The following NME7 variants were observed in gnomAD, a reference collection of about 807,000 sequenced individuals.
NME7 encodes nucleoside diphosphate kinase 7.
NME7 carries 41 observed loss-of-function variants against 49.1 expected under a neutral mutation model. The observed-to-expected ratio is 0.83, with a 90% CI of 0.65 to 1.08. The LOEUF (loss-of-function observed/expected upper bound fraction) is 1.08, where lower values mean the gene tolerates loss of function less well. Among genes scored for constraint, NME7 ranks in the 50% least tolerant of loss-of-function variants. NME7 has a pLI of 0.00. For synonymous variants in NME7, 139 were observed against 150.6 expected, an observed-to-expected ratio of 0.92 and a Z score of 0.56; for missense variants, 423 against 463.4, an observed-to-expected ratio of 0.91 and a Z score of 0.80.
intron 7 of NME7, among the ~76,000 whole-genome samples, chr1:169,243,043 G>A (rs960103247): frequency 2.0e-5 from 3 of 151,890 alleles, no homozygotes; most frequent in Non-Finnish European, 2.9e-5. Context: ...CAATAGATAA[G>A]ATTATTCTAA....
In NME7 at chr1:169,261,230, T is replaced by C. The variant is rs138688365; in HGVS notation, c.755-23543A>G. Among the ~76,000 whole-genome samples, 1,169 of 134,528 alleles carry C rather than the reference T, an allele frequency of 8.7e-3. 159 individuals are homozygous for C. Among genetic ancestry groups the C allele is most frequent in the African/African-American group, 0.028 (1,123 of 39,836 alleles). 88.3% of individuals were successfully genotyped at this position (134,528 alleles called of 152,430 possible). A position where few individuals can be genotyped will look rare whatever the true frequency, so the allele number is the denominator to read the frequency against. On this transcript the variant is annotated intron_variant, in intron 7 of 11. Transcript: ENST00000367811. ...TGATATTTATTGTTTGTGGTATTTA[T>C]AGTTCTGAAGTTATTAAAGCTTAAA...
chr1:169,323,048 G>A (rs1278151324), intron 3 of NME7, 69 bp downstream of exon 3: 4 of 1,298,530 alleles, frequency 3.1e-6, no homozygotes, highest in Non-Finnish European at 4.1e-6. Flanking sequence ...CATACTCCCA[G>A]TCTTGATTCA....
chr1:169,320,099 A>G (rs1651797551), intron 3 of NME7, among the ~76,000 whole-genome samples: 1 of 152,154 alleles, frequency 6.6e-6, no homozygotes, highest in African/African-American at 2.4e-5. Flanking sequence ...TGAAAACTTT[A>G]ATTATTTCTG....
At chr1:169,212,892 T>A (rs1660868047) in intron 10 of NME7, among the ~76,000 whole-genome samples, 1 of 152,120 alleles carries the variant, frequency 6.6e-6, no homozygotes, top group Admixed American at 6.5e-5. Context: ...TCCTCCCAAG[T>A]TGCTGGGATT....
intron 10 of NME7, among the ~76,000 whole-genome samples, chr1:169,212,153 C>T (rs1019970122): frequency 1.3e-5 from 2 of 152,012 alleles, no homozygotes; most frequent in Non-Finnish European, 2.9e-5. Flanking sequence ...CAGCCACCTC[C>T]TCTTCAAGAG....
chr1:169,230,442 T>A lies in NME7; in HGVS notation c.990+276A>T, dbSNP rs186712463. Among the ~76,000 whole-genome samples, 659 of 152,246 alleles carry A rather than the reference T, an allele frequency of 4.3e-3. 5 individuals are homozygous for A. Among genetic ancestry groups the A allele is most frequent in the African/African-American group, 0.015 (619 of 41,544 alleles). On this transcript the variant is annotated intron_variant, in intron 10 of 11. Transcript: ENST00000367811. Reference sequence around the variant, plus strand: ...TCTATTATGAAGCTTGCAAAATGTATTTACCTGGACAATTTAGCAAGAAGA... The same window carrying A: ...TCTATTATGAAGCTTGCAAAATGTAATTACCTGGACAATTTAGCAAGAAGA...
Position 169,323,261 on chromosome 1 carries a change from G to A in NME7, c.134C>T (p.Thr45Ile). ...ATCATATTTGGTCCGCTTTAAAAAG[G>A]TGCGATGATTCTTTACATCATGCTA... is the stretch of plus-strand genomic sequence containing the variant. ...VEMHDVKNHR[T>I]FLKRTKYDNL... The change falls in exon 3 of 12, where the codon ACC (threonine) becomes ATC (isoleucine). Residue 45 changes from threonine to isoleucine, a missense_variant. By Grantham distance (89) the Thr-to-Ile change is moderately conservative. Coordinates refer to ENST00000367811, the MANE Select transcript of NME7 (RefSeq NM_013330.5). 3 of 1,599,352 alleles carry A rather than the reference G, an allele frequency of 1.9e-6. No individual in the cohort carries two copies. The South Asian group carries it at 3.4e-5, about 18-fold the overall frequency.
At chr1:169,201,492 G>A (rs1050712901) in intron 10 of NME7, among the ~76,000 whole-genome samples, 4 of 152,046 alleles carry the variant, frequency 2.6e-5, no homozygotes, top group Non-Finnish European at 5.9e-5. Flanking sequence ...TAAAACAGTC[G>A]GGAAGTGATG....
chr1:169,230,844 G>T, intron 9 of NME7, 25 bp from the exon 10 acceptor site: 1 of 1,463,292 alleles, frequency 6.8e-7, no homozygotes, highest in East Asian at 2.4e-5. Context: ...ATAAAAGAAT[G>T]AAAAGAATTT....
rs567213233 is a variant in NME7 at position 169,257,554 on chromosome 1, C to T, written c.755-19867G>A. ...GTCGCTCACGCTGGGAGCTGTAGAC[C>T]GGAGCTGTTCCTATTCGGCCATCTT... On this transcript the variant is annotated intron_variant, in intron 7 of 11. Transcript: ENST00000367811. Among the ~76,000 whole-genome samples, 670 of 134,046 alleles carry T rather than the reference C, an allele frequency of 5.0e-3. 129 individuals carry two copies. The highest frequency in any genetic ancestry group is 0.017 in the Admixed American group (231 of 13,714). 87.9% of individuals were successfully genotyped at this position (134,046 alleles called of 152,430 possible). A position where few individuals can be genotyped will look rare whatever the true frequency, so the allele number is the denominator to read the frequency against.
At chr1:169,214,506 A>C (rs1260321740) in intron 10 of NME7, among the ~76,000 whole-genome samples, 1 of 152,240 alleles carries the variant, frequency 6.6e-6, no homozygotes, top group Admixed American at 6.5e-5. Flanking sequence ...TAAGAACATC[A>C]AACATTTTCT....
chr1:169,348,122 T>A (rs539747339), intron 1 of NME7, among the ~76,000 whole-genome samples: 1 of 152,312 alleles, frequency 6.6e-6, no homozygotes, highest in East Asian at 1.9e-4. Context: ...CTTAAGTGGC[T>A]GTAACCACTA....
At chr1:169,225,768 A>G (rs754529648) in intron 10 of NME7, among the ~76,000 whole-genome samples, 38 of 152,184 alleles carry the variant, frequency 2.5e-4, no homozygotes, top group Non-Finnish European at 4.1e-4. Flanking sequence ...TTTTGTTAAT[A>G]CATAATGAGC....
chr1:169,165,298 A>AAAATAAATAAATAAAT (rs150919885), intron 11 of NME7, among the ~76,000 whole-genome samples: 3 of 150,426 alleles, frequency 2.0e-5, no homozygotes, highest in African/African-American at 7.3e-5. Context: ...GTTTGCTATA[A>AAAATAAATAAATAAAT]AAATAAATAA....
chr1:169,318,033 G>C (rs917135256), intron 3 of NME7, among the ~76,000 whole-genome samples: 2 of 152,202 alleles, frequency 1.3e-5, no homozygotes, highest in South Asian at 4.2e-4. Flanking sequence ...ATCAGAGTCC[G>C]GCACCTGCAG....
At chr1:169,181,840 C>T (rs1380266148) in intron 10 of NME7, among the ~76,000 whole-genome samples, 1 of 152,062 alleles carries the variant, frequency 6.6e-6, no homozygotes, top group African/African-American at 2.4e-5. Flanking sequence ...TTCCTGAAGC[C>T]CTCCATTTAC....
Position 169,256,055 on chromosome 1 carries a change from T to A in NME7, c.755-18368A>T, listed in dbSNP as rs1335877616. Among the ~76,000 whole-genome samples the A allele has an allele frequency of 1.5e-5, 2 of 132,606 alleles. 1 individual carries two copies. The highest frequency in any genetic ancestry group is 5.1e-5 in the African/African-American group (2 of 39,184). The allele number at this position is 132,606 out of a possible 152,430, so 87.0% of individuals were successfully genotyped here. ...CCATTATGTGTCTTGGAGTTGCTCTTCTCGAGGAGTATCTTTGTGGCATTC... is the reference window on the plus strand; with the variant it reads ...CCATTATGTGTCTTGGAGTTGCTCTACTCGAGGAGTATCTTTGTGGCATTC... On this transcript the variant is annotated intron_variant, in intron 7 of 11. Transcript: ENST00000367811.
Position 169,258,152 on chromosome 1 carries a change from C to A in NME7, c.755-20465G>T, listed in dbSNP as rs1396194449. On this transcript the variant is annotated intron_variant, in intron 7 of 11. Coordinates refer to ENST00000367811, the MANE Select transcript of NME7 (RefSeq NM_013330.5). ...CAGGAGTTTGTGGCCAGCCTGGGAA[C>A]CATAGTGAGACCCTGTCTCTACAAA... 2.3e-5 allele frequency among the ~76,000 whole-genome samples: 3 copies of A among 128,742 alleles called. 1 individual carries two copies. The highest frequency in any genetic ancestry group is 5.2e-5 in the African/African-American group (2 of 38,130). The allele number at this position is 128,742 out of a possible 152,430, so 84.5% of individuals were successfully genotyped here. A position where few individuals can be genotyped will look rare whatever the true frequency, so the allele number is the denominator to read the frequency against.
chr1:169,354,556 T>C (rs917129185), intron 1 of NME7, among the ~76,000 whole-genome samples: 3 of 151,384 alleles, frequency 2.0e-5, no homozygotes, highest in African/African-American at 7.3e-5. Context: ...AAAGAATAAA[T>C]ACTTGAGGAA....
Sources: allele counts gnomAD v4.1 joint callset (sites outside exome capture counted in the v4.1 genomes callset), GRCh38; gene constraint gnomAD v4.1.1; transcripts MANE v1.5; gene names NCBI Gene and HGNC (gene_info 2026-07-23, HGNC 2026-07-21).